SLC36A1: variants seen among roughly 807,000 people sequenced by gnomAD.
SLC36A1 encodes the protein proton-coupled amino acid transporter 1.
Under a neutral mutation model 47.5 loss-of-function variants are expected in SLC36A1, and 30 were observed. That is an observed-to-expected ratio of 0.63 (90% confidence interval 0.47 to 0.86). The LOEUF is 0.86. Among genes scored for constraint, SLC36A1 ranks in the 40% least tolerant of loss-of-function variants. The pLI, the probability that SLC36A1 is intolerant of heterozygous loss-of-function variation, is 0.00. For missense variants in SLC36A1, 517 were observed against 606.0 expected (o/e 0.85, Z 1.54); for synonymous variants, 255 against 249.7 (o/e 1.02, Z -0.20).
chr5:151,454,234 A>G (rs114809878), intron 1 of SLC36A1, among the ~76,000 whole-genome samples: 2,011 of 152,060 alleles, frequency 0.013, 39 homozygotes, highest in African/African-American at 0.047. Context: ...CTTGCCTTCA[A>G]CTCTCACATA....
At chr5:151,411,991 G>A in the SLC36A1 span, among the ~76,000 whole-genome samples, 16 of 144,994 alleles carry the variant, frequency 1.1e-4, 1 homozygote, top group African/African-American at 4.0e-4. Context: ...ATGCCTGTAT[G>A]TAAGCAACAA....
chr5:151,412,925 A>G, the SLC36A1 span, among the ~76,000 whole-genome samples: 2 of 144,358 alleles, frequency 1.4e-5, no homozygotes, highest in Admixed American at 1.4e-4. Flanking sequence ...CTCAGCCTTC[A>G]GAGTCAATGT....
chr5:151,480,525 A>G (rs1416135202), intron 10 of SLC36A1, among the ~76,000 whole-genome samples: 4 of 152,194 alleles, frequency 2.6e-5, no homozygotes, highest in South Asian at 2.1e-4. Context: ...ACCAGCCTAT[A>G]TAGAAACAGC....
the SLC36A1 span, chr5:151,422,040 G>A: frequency 6.6e-6 from 1 of 152,252 alleles, no homozygotes; most frequent in Non-Finnish European, 1.5e-5. Flanking sequence ...CCTTATTCTG[G>A]CAGGTGCATG....
chr5:151,463,293 G>A (rs1271798587), intron 2 of SLC36A1, among the ~76,000 whole-genome samples: 1 of 152,162 alleles, frequency 6.6e-6, no homozygotes, highest in Non-Finnish European at 1.5e-5. Flanking sequence ...CTGAGAGAAG[G>A]GATTCTCAGA....
the SLC36A1 span, chr5:151,507,709 A>T: frequency 9.0e-7 from 1 of 1,112,778 alleles, no homozygotes; most frequent in East Asian, 2.6e-5. Context: ...TCCCCCCAAA[A>T]CCTACCATCT....
intron 7 of SLC36A1, among the ~76,000 whole-genome samples, chr5:151,473,405 T>C (rs1464082944): frequency 6.6e-6 from 1 of 152,176 alleles, no homozygotes; most frequent in Non-Finnish European, 1.5e-5. Flanking sequence ...TGAAAGAATG[T>C]GACTCTTTTT....
At chr5:151,484,615 CTGAGGCTCAGAAT>C (rs1289499981) in intron 10 of SLC36A1, among the ~76,000 whole-genome samples, 5 of 152,210 alleles carry the variant, frequency 3.3e-5, no homozygotes, top group African/African-American at 1.2e-4. Context: ...AACGAATGAA[CTGAGGCTCAGAAT>C]AGTAAGCTGA....
intron 9 of SLC36A1, 42 bp from the exon 10 acceptor site, chr5:151,479,278 T>G: frequency 6.2e-7 from 1 of 1,600,450 alleles, no homozygotes; most frequent in East Asian, 2.2e-5. Flanking sequence ...GATGTATAAG[T>G]GTGCTGAGCA....
chr5:151,463,318 G>C (rs1755830253), intron 2 of SLC36A1, among the ~76,000 whole-genome samples: 1 of 152,320 alleles, frequency 6.6e-6, no homozygotes, highest in South Asian at 2.1e-4. Context: ...TCAGAGAGTG[G>C]AGACTTACAG....
chr5:151,472,999 C>T (rs1757526964), intron 7 of SLC36A1, among the ~76,000 whole-genome samples: 1 of 152,298 alleles, frequency 6.6e-6, no homozygotes, highest in East Asian at 1.9e-4. Flanking sequence ...GAAGCCCTGT[C>T]TCTACCAAAA....
the SLC36A1 span, among the ~76,000 whole-genome samples, chr5:151,498,563 A>G: frequency 8.9e-4 from 135 of 152,178 alleles, no homozygotes; most frequent in Middle Eastern, 3.4e-3. Context: ...TGCTGCTGCA[A>G]TCTTCTCCCC....
chr5:151,540,842 G>T, the SLC36A1 span: 1 of 1,311,064 alleles, frequency 7.6e-7, no homozygotes, highest in Non-Finnish European at 1.0e-6. Context: ...GCTGCCCATT[G>T]GATGCATTTT....
intron 3 of SLC36A1, 71 bp downstream of exon 3, chr5:151,463,714 G>A (rs1462276221): frequency 2.5e-6 from 3 of 1,196,728 alleles, no homozygotes; most frequent in Non-Finnish European, 3.7e-6. Flanking sequence ...TTGTTAAAAT[G>A]TACTTGCTTT....
chr5:151,512,932 A>T, the SLC36A1 span, among the ~76,000 whole-genome samples: 1 of 152,182 alleles, frequency 6.6e-6, no homozygotes, highest in Non-Finnish European at 1.5e-5. This position sits in a 1 kb window ranked among gnomAD's most constrained non-coding sequence, Gnocchi z 4.1. Flanking sequence ...CCAGAGTTCC[A>T]CACTTGTGAA....
At chr5:151,423,771 A>G in the SLC36A1 span, among the ~76,000 whole-genome samples, 3 of 152,242 alleles carry the variant, frequency 2.0e-5, no homozygotes, top group Admixed American at 2.0e-4. Flanking sequence ...AGTGAACCCT[A>G]ATGTAAACTA....
the SLC36A1 span, among the ~76,000 whole-genome samples, chr5:151,376,638 A>T: frequency 0.073 from 10,855 of 149,220 alleles, 847 homozygotes; most frequent in African/African-American, 0.2. Context: ...CATTTCAAAA[A>T]TTTTTTTTTT....
intron 2 of SLC36A1, 90 bp downstream of exon 2, chr5:151,459,025 C>T: frequency 7.1e-7 from 1 of 1,403,594 alleles, no homozygotes; most frequent in East Asian, 2.3e-5. Flanking sequence ...TTCATCAGTC[C>T]TCCACTTTAC....
chr5:151,468,545 A>T (rs938331298), intron 7 of SLC36A1, among the ~76,000 whole-genome samples: 11 of 150,786 alleles, frequency 7.3e-5, no homozygotes, highest in Admixed American at 3.3e-4. Flanking sequence ...ACATTTTGGG[A>T]TGGATAAATT....
Sources: gnomAD v4.1 joint callset for allele counts (sites outside exome capture counted in the v4.1 genomes callset) on GRCh38, gnomAD v4.1.1 for gene constraint, Gnocchi (gnomAD v3.1) non-coding constraint, MANE v1.5 for transcripts, NCBI Gene and HGNC (gene_info 2026-07-23, HGNC 2026-07-21) for gene names.